Variants in SLC4A3 observed in about 807,000 individuals in gnomAD.
The protein encoded by SLC4A3 is solute carrier family 4 member 3.
SLC4A3 carries 47 observed loss-of-function variants against 114.2 expected under a neutral mutation model. The observed-to-expected ratio is 0.41, with a 90% confidence interval of 0.33 to 0.52. The LOEUF (loss-of-function observed/expected upper bound fraction) is 0.52, where lower values mean the gene tolerates loss of function less well. Among genes scored for constraint, SLC4A3 ranks in the 20% least tolerant of loss-of-function variants. SLC4A3 has a pLI of 0.21. For missense variants in SLC4A3, 1,312 were observed against 1,668.3 expected (o/e 0.79, Z 3.72); for synonymous variants, 693 against 710.3 (o/e 0.98, Z 0.39).
rs781619743 is a variant in SLC4A3 at position 219,631,965 on chromosome 2, C to T, written c.812-3C>T. ...GGGACCCCCAAGCCCATCTTCTCTG[C>T]AGGTCACCGACTGGAGGACAACCCT... is the stretch of plus-strand genomic sequence containing the variant. On this transcript the variant is annotated splice_polypyrimidine_tract_variant and splice_region_variant and intron_variant, in intron 6 of 22. Transcript: ENST00000358055. This position sits in a 1 kb window ranked among gnomAD's most constrained non-coding sequence, Gnocchi z 6.3. The T allele has an allele frequency of 6.3e-7, 1 of 1,595,708 alleles. No homozygotes were observed. Among genetic ancestry groups the T allele is most frequent in the Admixed American group, 1.8e-5 (1 of 57,004 alleles).
In SLC4A3 at chr2:219,637,596, C is replaced by A; in HGVS notation, c.2551C>A (p.Pro851Thr). Residue 851 changes from proline (P) to threonine (T), a missense_variant, in exon 17 of 23, where the codon CCA (proline) becomes ACA (threonine). By Grantham distance (38) the Pro-to-Thr change is conservative (BLOSUM62 -1). Transcript: ENST00000358055. The surrounding 1 kb of genome is among the most constrained non-coding windows in gnomAD (Gnocchi z 4.6). ...CCACACACAGGTGTTCACAGAGCACCCACTGCTGCCGTTCTACCCCCCTGA... is the reference window on the plus strand; with the variant it reads ...CCACACACAGGTGTTCACAGAGCACACACTGCTGCCGTTCTACCCCCCTGA... ...YKLYKVFTEH[P>T]LLPFYPPEGA... 1 of 1,593,116 alleles carries A rather than the reference C, an allele frequency of 6.3e-7. No homozygotes were observed. Among genetic ancestry groups the A allele is most frequent in the Non-Finnish European group, 8.6e-7 (1 of 1,167,092 alleles).
At position 219,638,794 on chromosome 2, in the gene SLC4A3, C is replaced by T. The variant is rs41272709; in HGVS notation, c.2948C>T (p.Pro983Leu). The change falls in exon 19 of 23, where the codon CCG (proline) becomes CTG (leucine). Residue 983 changes from proline to leucine, a missense_variant. Physicochemically the swap from Pro to Leu is moderately conservative, Grantham distance 98. Transcript: ENST00000358055. The surrounding 1 kb of genome is among the most constrained non-coding windows in gnomAD (Gnocchi z 7.5). Reference sequence around the variant, plus strand: ...CTGGGCAGTGCCCGTCCTTTCCCGCCGTGGATGATGGTGGCAGCCGCTGTT... The same window carrying T: ...CTGGGCAGTGCCCGTCCTTTCCCGCTGTGGATGATGGTGGCAGCCGCTGTT... ...PPLGSARPFPPWMMVAAAVPA... is the reference protein window; with the variant it reads ...PPLGSARPFPLWMMVAAAVPA... 2,332 of 1,614,194 alleles carry T rather than the reference C, an allele frequency of 1.4e-3. 9 individuals are homozygous for T. Among genetic ancestry groups the T allele is most frequent in the African/African-American group, 9.3e-3 (701 of 75,060 alleles).
In SLC4A3 at chr2:219,631,210, C is replaced by T. The variant is rs748481550; in HGVS notation, c.812-758C>T. The T allele has an allele frequency of 1.2e-4, 142 of 1,226,958 alleles. No individual in the cohort carries two copies. The highest frequency in any genetic ancestry group is 8.0e-4 in the African/African-American group (51 of 63,644). The allele number at this position is 1,226,958 out of a possible 1,614,324, so 76.0% of individuals were successfully genotyped here. Reference sequence around the variant, plus strand: ...GAGAGCCGAGGGGTCTGGTAGGGAGCGGAGGCCGAGGTCTCGGCCACCGGG... The same window carrying T: ...GAGAGCCGAGGGGTCTGGTAGGGAGTGGAGGCCGAGGTCTCGGCCACCGGG... On this transcript the variant is annotated intron_variant, in intron 6 of 22. Transcript: ENST00000358055. This position sits in a 1 kb window ranked among gnomAD's most constrained non-coding sequence, Gnocchi z 6.3.
At position 219,628,670 on chromosome 2, in the gene SLC4A3, C is replaced by A. The variant is rs948194561; in HGVS notation, c.217+100C>A. On this transcript the variant is annotated intron_variant, in intron 3 of 22. Transcript: ENST00000358055. The surrounding 1 kb of genome is among the most constrained non-coding windows in gnomAD (Gnocchi z 4.8). ...CTCCGGCTTGGTCACCCAGTGCCAT[C>A]CTGTGCCGGACACTGTGCTGGACTC... 1.6e-6 allele frequency: 2 copies of A among 1,220,882 alleles called. No individual in the cohort carries two copies. Among genetic ancestry groups the A allele is most frequent in the African/African-American group, 3.0e-5 (2 of 65,916 alleles). 75.6% of individuals were successfully genotyped at this position (1,220,882 alleles called of 1,614,324 possible).
chr2:219,629,329 G>A lies in SLC4A3; in HGVS notation c.403G>A (p.Asp135Asn). Residue 135 changes from aspartate to asparagine, a missense_variant, in exon 4 of 23, where the codon GAT becomes AAT. Transcript: ENST00000358055. ...PIQEEGGAGV[D>N]EEEEEEEEEE... ...CCAGGAGGAGGGGGGAGCTGGAGTG[G>A]ATGAGGAAGAGGAGGAAGAGGAGGA... 6.2e-7 allele frequency: 1 copy of A among 1,612,538 alleles called. No individual in the cohort carries two copies. The highest frequency in any genetic ancestry group is 1.3e-5 in the African/African-American group (1 of 75,000).
In SLC4A3 at chr2:219,636,122, T is replaced by C. The variant is rs1699108887; in HGVS notation, c.2192-180T>C. ...GAGGTGTAAGGGATGAGGGATCCTGTGATCACCATTGGGGGCTAGTGGGGA... is the reference window on the plus strand; with the variant it reads ...GAGGTGTAAGGGATGAGGGATCCTGCGATCACCATTGGGGGCTAGTGGGGA... On this transcript the variant is annotated intron_variant, in intron 14 of 22. Transcript: ENST00000358055. The surrounding 1 kb of genome is among the most constrained non-coding windows in gnomAD (Gnocchi z 5.5). Among the ~76,000 whole-genome samples, 1 of 151,958 alleles carries C rather than the reference T, an allele frequency of 6.6e-6. No homozygotes were observed. Among genetic ancestry groups the C allele is most frequent in the Non-Finnish European group, 1.5e-5 (1 of 67,974 alleles).
Position 219,628,645 on chromosome 2 carries a change from C to G in SLC4A3, c.217+75C>G. ...TCATCGCCACCATCACCGCGCTCAC[C>G]TCCGGCTTGGTCACCCAGTGCCATC... On this transcript the variant is annotated intron_variant, in intron 3 of 22. Coordinates refer to ENST00000358055, the MANE Select transcript of SLC4A3 (RefSeq NM_005070.4). This position sits in a 1 kb window ranked among gnomAD's most constrained non-coding sequence, Gnocchi z 4.8. 6.7e-7 allele frequency: 1 copy of G among 1,489,500 alleles called. No individual in the cohort carries two copies. The highest frequency in any genetic ancestry group is 1.4e-5 in the African/African-American group (1 of 71,860). 92.3% of individuals were successfully genotyped at this position (1,489,500 alleles called of 1,614,324 possible).
Position 219,629,672 on chromosome 2 carries a change from CAA to C in SLC4A3, c.589_590del (p.Lys197GlufsTer33), listed in dbSNP as rs1559197023. The C allele has an allele frequency of 6.2e-7, 1 of 1,612,330 alleles. No homozygotes were observed. On this transcript the variant is annotated frameshift_variant, in exon 5 of 23. Coordinates refer to ENST00000358055, the MANE Select transcript of SLC4A3 (RefSeq NM_005070.4). LOFTEE classifies it high-confidence loss of function. ...PLPSVGPHTD[K>X]SPQHSSSSPS... ...TGCCCTCGGTGGGCCCACACACTGA[CAA>C]GAGCCCCCAGCACTCCAGCAGGTAC...
In SLC4A3 at chr2:219,630,228, T is replaced by C. The variant is rs752282516; in HGVS notation, c.687T>C (p.Tyr229=). Residue 229 remains tyrosine, a synonymous_variant, in exon 6 of 23, where the codon TAT becomes TAC. Coordinates refer to ENST00000358055, the MANE Select transcript of SLC4A3 (RefSeq NM_005070.4). The surrounding 1 kb of genome is among the most constrained non-coding windows in gnomAD (Gnocchi z 6.9). ...GGCCCTGGAGCCCATCGGCCAGTTA[T>C]GACCTGCGGGAGCGACTGTGCCCAG... ...KSRPWSPSAS[Y]DLRERLCPGS... The C allele has an allele frequency of 1.2e-6, 2 of 1,612,780 alleles. No homozygotes were observed. Among genetic ancestry groups the C allele is most frequent in the Admixed American group, 1.7e-5 (1 of 59,928 alleles).
In SLC4A3 at chr2:219,631,199, C is replaced by T; in HGVS notation, c.812-769C>T. On this transcript the variant is annotated intron_variant, in intron 6 of 22. Transcript: ENST00000358055. This position sits in a 1 kb window ranked among gnomAD's most constrained non-coding sequence, Gnocchi z 6.3. ...CCACCTTGTAGGAGAGCCGAGGGGTCTGGTAGGGAGCGGAGGCCGAGGTCT... is the reference window on the plus strand; with the variant it reads ...CCACCTTGTAGGAGAGCCGAGGGGTTTGGTAGGGAGCGGAGGCCGAGGTCT... The T allele has an allele frequency of 8.2e-7, 1 of 1,217,344 alleles. No homozygotes were observed. The allele number at this position is 1,217,344 out of a possible 1,614,324, so 75.4% of individuals were successfully genotyped here. A position where few individuals can be genotyped will look rare whatever the true frequency, so the allele number is the denominator to read the frequency against.
At position 219,637,252 on chromosome 2, in the gene SLC4A3, A is replaced by G. The variant is rs962481500; in HGVS notation, c.2536-329A>G. ...GAGTATGGTGTGTTGTGTGTGATGT[A>G]TGTGTTGTGTGTGTGTGCGTGTGTG... On this transcript the variant is annotated intron_variant, in intron 16 of 22. Coordinates refer to ENST00000358055, the MANE Select transcript of SLC4A3 (RefSeq NM_005070.4). The surrounding 1 kb of genome is among the most constrained non-coding windows in gnomAD (Gnocchi z 4.6). Among the ~76,000 whole-genome samples the G allele has an allele frequency of 6.8e-6, 1 of 146,424 alleles. No homozygotes were observed. Among genetic ancestry groups the G allele is most frequent in the Non-Finnish European group, 1.5e-5 (1 of 66,360 alleles).
Position 219,627,751 on chromosome 2 carries a change from G to A in SLC4A3, c.-94+6G>A. 3.1e-6 allele frequency: 1 copy of A among 318,594 alleles called. No homozygotes were observed. Among genetic ancestry groups the A allele is most frequent in the East Asian group, 4.9e-5 (1 of 20,322 alleles). 19.7% of individuals were successfully genotyped at this position (318,594 alleles called of 1,614,324 possible). A position where few individuals can be genotyped will look rare whatever the true frequency, so the allele number is the denominator to read the frequency against. On this transcript the variant is annotated splice_donor_region_variant and intron_variant, in intron 1 of 22. Transcript: ENST00000358055. ...GCAGGCTCCGGAGCCCCGAGGTACC[G>A]CGGGGCGGGGCACGCCGGGCAGGGC...
At position 219,635,765 on chromosome 2, in the gene SLC4A3, G is replaced by A. The variant is rs772618108; in HGVS notation, c.2065G>A (p.Val689Met). ...GGTATTTGGGGGGCTTGTGCGGGAT[G>A]TGAGGCGCCGGTACCCGCACTACCC... is the stretch of plus-strand genomic sequence containing the variant. ...GSVFGGLVRD[V>M]RRRYPHYPSD... The change falls in exon 14 of 23, where the codon GTG becomes ATG. Residue 689 changes from valine to methionine, a missense_variant. Val to Met is a conservative substitution (Grantham distance 21, BLOSUM62 1). Around this residue, in one of 4 missense-constraint regions of SLC4A3, gnomAD observed 771 missense variants for 977.7 expected, o/e 0.79. Coordinates refer to ENST00000358055, the MANE Select transcript of SLC4A3 (RefSeq NM_005070.4). 5.0e-6 allele frequency: 8 copies of A among 1,595,590 alleles called. No homozygotes were observed. The South Asian group carries it at 9.1e-5, about 18-fold the overall frequency.
rs1698798286 is a variant in SLC4A3 at position 219,628,469 on chromosome 2, G to C, written c.116G>C (p.Gly39Ala). 1 of 1,613,690 alleles carries C rather than the reference G, an allele frequency of 6.2e-7. No individual in the cohort carries two copies. Among genetic ancestry groups the C allele is most frequent in the Non-Finnish European group, 8.5e-7 (1 of 1,179,886 alleles). The change falls in exon 3 of 23, where the codon GGC becomes GCC. Residue 39 changes from glycine to alanine, a missense_variant. Gly to Ala is a moderately conservative substitution (Grantham distance 60). This residue lies in a region of SLC4A3 where 236 missense variants were observed against 212.1 expected (regional missense o/e 1.11). Transcript: ENST00000358055. The surrounding 1 kb of genome is among the most constrained non-coding windows in gnomAD (Gnocchi z 4.8). Reference sequence around the variant, plus strand: ...GTGGAGGAGGAGGACGATGACTTGGGCAAGACCTTGGCTGTGAGCAGGTTT... The same window carrying C: ...GTGGAGGAGGAGGACGATGACTTGGCCAAGACCTTGGCTGTGAGCAGGTTT... The part of the protein sequence containing the change: ...PDVEEEDDDL[G>A]KTLAVSRFGD...
Position 219,640,865 on chromosome 2 carries a change from C to T in SLC4A3, c.3524C>T (p.Thr1175Met), listed in dbSNP as rs564171002. Residue 1175 changes from threonine to methionine, a missense_variant, in exon 22 of 23, where the codon ACG (threonine) becomes ATG (methionine). Thr to Met is a moderately conservative substitution (Grantham distance 81, BLOSUM62 -1). Coordinates refer to ENST00000358055, the MANE Select transcript of SLC4A3 (RefSeq NM_005070.4). ...GCACTGCTCTGGGTGGTCAAGTCCA[C>T]GGCGGCCTCACTCGCCTTTCCCTTC... ...CIALLWVVKS[T>M]AASLAFPFLL... The T allele has an allele frequency of 9.9e-6, 16 of 1,612,372 alleles. No homozygotes were observed. Among genetic ancestry groups the T allele is most frequent in the Middle Eastern group, 1.7e-4 (1 of 5,940 alleles).
chr2:219,632,980 C>T lies in SLC4A3; in HGVS notation c.1248C>T (p.Ser416=), dbSNP rs35138558. 6.4e-3 allele frequency: 10,278 copies of T among 1,614,040 alleles called. 55 individuals are homozygous for T. The highest frequency in any genetic ancestry group is 7.8e-3 in the Non-Finnish European group (9,236 of 1,180,012). The part of the protein sequence containing the change: ...SDQIRPEDRA[S]VLRTLLLKHS... Reference sequence around the variant, plus strand: ...AGATCCGGCCGGAGGACAGGGCCAGCGTCCTACGTACCCTGCTACTGAAGC... The same window carrying T: ...AGATCCGGCCGGAGGACAGGGCCAGTGTCCTACGTACCCTGCTACTGAAGC... Residue 416 remains serine (S), a synonymous_variant, in exon 9 of 23, where the codon AGC becomes AGT. Coordinates refer to ENST00000358055, the MANE Select transcript of SLC4A3 (RefSeq NM_005070.4).
chr2:219,638,095 C>T lies in SLC4A3; in HGVS notation c.2767-69C>T. 1 of 1,302,910 alleles carries T rather than the reference C, an allele frequency of 7.7e-7. No homozygotes were observed. The highest frequency in any genetic ancestry group is 1.1e-6 in the Non-Finnish European group (1 of 919,444). 80.7% of individuals were successfully genotyped at this position (1,302,910 alleles called of 1,614,324 possible). ...TGGACCCAGGCAGGGCCAGAGATGGCAAGCCCCGTGTTAGTCTGCTGACCT... is the reference window on the plus strand; with the variant it reads ...TGGACCCAGGCAGGGCCAGAGATGGTAAGCCCCGTGTTAGTCTGCTGACCT... On this transcript the variant is annotated intron_variant, in intron 17 of 22. Transcript: ENST00000358055. This position sits in a 1 kb window ranked among gnomAD's most constrained non-coding sequence, Gnocchi z 7.5.
rs909512459 is a variant in SLC4A3, at chr2:219,628,146, C to A, written c.51+103C>A. 1 of 987,500 alleles carries A rather than the reference C, an allele frequency of 1.0e-6. No individual in the cohort carries two copies. Among genetic ancestry groups the A allele is most frequent in the Non-Finnish European group, 1.4e-6 (1 of 690,970 alleles). 61.2% of individuals were successfully genotyped at this position (987,500 alleles called of 1,614,324 possible). A position where few individuals can be genotyped will look rare whatever the true frequency, so the allele number is the denominator to read the frequency against. On this transcript the variant is annotated intron_variant, in intron 2 of 22. Coordinates refer to ENST00000358055, the MANE Select transcript of SLC4A3 (RefSeq NM_005070.4). The surrounding 1 kb of genome is among the most constrained non-coding windows in gnomAD (Gnocchi z 4.8). ...TGGCCGACCCCGGGACCCCCCAGATCCAGGGATGAGCTGGGCTGGGGGTTA... is the reference window on the plus strand; with the variant it reads ...TGGCCGACCCCGGGACCCCCCAGATACAGGGATGAGCTGGGCTGGGGGTTA...
chr2:219,629,444 G>T, intron 4 of SLC4A3, 23 bp downstream of exon 4: 1 of 1,597,470 alleles, frequency 6.3e-7, no homozygotes, highest in Non-Finnish European at 8.5e-7. Context: ...CTTTGGAGGG[G>T]TGGCAGGTCA....
Sources: allele counts gnomAD v4.1 joint callset (sites outside exome capture counted in the v4.1 genomes callset), GRCh38; gene constraint gnomAD v4.1.1; regional missense constraint gnomAD v4.1.1; non-coding constraint Gnocchi (gnomAD v3.1); transcripts MANE v1.5; gene names NCBI Gene and HGNC (gene_info 2026-07-23, HGNC 2026-07-21).